The following AAK1 variants were observed in gnomAD, a reference collection of about 807,000 sequenced individuals.
AAK1 encodes the protein AP2 associated kinase 1.
In AAK1, 37 loss-of-function variants were observed where a neutral mutation model predicts 116.0. That is an observed-to-expected ratio of 0.32 (90% CI 0.25 to 0.42). The LOEUF (loss-of-function observed/expected upper bound fraction) is 0.42, where lower values mean the gene tolerates loss of function less well. Ranked by LOEUF, AAK1 falls within the 10% of genes least tolerant of loss-of-function variation. The probability of loss-of-function intolerance (pLI) is 1.00; values close to 1 mark genes in which losing one functional copy is unlikely to be tolerated. For synonymous variants in AAK1, 458 were observed against 439.9 expected (o/e 1.04, Z -0.51); for missense variants, 919 against 1,170.6 (o/e 0.79, Z 3.14).
At chr2:69,531,379 G>C (rs948501949) in intron 6 of AAK1, among the ~76,000 whole-genome samples, 2 of 152,160 alleles carry the variant, frequency 1.3e-5, no homozygotes, top group Non-Finnish European at 2.9e-5. Context: ...TGGTTGTCTG[G>C]GGTGACGCAT....
Position 69,473,353 on chromosome 2 carries a change from CA to C in AAK1, c.*2515del. ...TCCACAGGTACCAGGACACTATGCT[CA>C]ACTCAAATAAACTCTTTCAGCTCAG... is the stretch of plus-strand genomic sequence containing the variant. On this transcript the variant is annotated 3_prime_UTR_variant, in exon 22 of 22. Coordinates refer to ENST00000409085, the MANE Select transcript of AAK1 (RefSeq NM_014911.5). The C allele has an allele frequency of 1.0e-6, 1 of 985,480 alleles. No homozygotes were observed. The highest frequency in any genetic ancestry group is 5.2e-4 in the Middle Eastern group (1 of 1,916). 61.0% of individuals were successfully genotyped at this position (985,480 alleles called of 1,614,324 possible).
intron 2 of AAK1, among the ~76,000 whole-genome samples, chr2:69,609,620 T>TGCAGTGA (rs1185558235): frequency 6.6e-6 from 1 of 151,962 alleles, no homozygotes; most frequent in Non-Finnish European, 1.5e-5. Context: ...GCCGAGATTG[T>TGCAGTGA]GCCATTGCAC....
At position 69,460,706 on chromosome 2, in the gene AAK1, C is replaced by T. The variant is rs1249600093; in HGVS notation, c.*15163G>A. 1 of 152,218 alleles carries T rather than the reference C, an allele frequency of 6.6e-6. No individual in the cohort carries two copies. The highest frequency in any genetic ancestry group is 1.5e-5 in the Non-Finnish European group (1 of 68,046). 9.4% of individuals were successfully genotyped at this position (152,218 alleles called of 1,614,324 possible). A position where few individuals can be genotyped will look rare whatever the true frequency, so the allele number is the denominator to read the frequency against. ...CCTAGACTCCCTGGGTGCTGCTCAG[C>T]AGCTGCTTCAGCATCAAATTGTGTT... On this transcript the variant is annotated 3_prime_UTR_variant, in exon 22 of 22. Coordinates refer to ENST00000409085, the MANE Select transcript of AAK1 (RefSeq NM_014911.5).
At chr2:69,561,027 C>T (rs868742798) in intron 2 of AAK1, among the ~76,000 whole-genome samples, 3 of 152,194 alleles carry the variant, frequency 2.0e-5, no homozygotes, top group Non-Finnish European at 4.4e-5. Flanking sequence ...CTGCTAATTT[C>T]TAAAGATGAG....
At chr2:69,548,577 C>T (rs1671031444) in intron 3 of AAK1, among the ~76,000 whole-genome samples, 2 of 143,000 alleles carry the variant, frequency 1.4e-5, no homozygotes. Flanking sequence ...TTCTTTCTTT[C>T]TCTCTCTCTC....
chr2:69,516,326 A>C (rs745628162), intron 12 of AAK1, among the ~76,000 whole-genome samples: 4 of 151,968 alleles, frequency 2.6e-5, no homozygotes, highest in Non-Finnish European at 4.4e-5. Flanking sequence ...AAAAAAAAAA[A>C]ACAACAAAAT....
chr2:69,480,899 G>C lies in AAK1; in HGVS notation c.2530C>G (p.Leu844Val), dbSNP rs1290365789. 6.2e-7 allele frequency: 1 copy of C among 1,606,816 alleles called. No homozygotes were observed. The highest frequency in any genetic ancestry group is 1.7e-5 in the Admixed American group (1 of 59,180). ...PGLEPPVPQR[L>V]PSQTESVTSN... Reference sequence around the variant, plus strand: ...GTCACAGATTCCGTCTGAGATGGGAGGCGCTGGGGAACTGGGGGCTCCAGT... The same window carrying C: ...GTCACAGATTCCGTCTGAGATGGGACGCGCTGGGGAACTGGGGGCTCCAGT... Residue 844 changes from leucine to valine, a missense_variant, in exon 19 of 22, where the codon CTC becomes GTC. Around this residue, in one of 4 missense-constraint regions of AAK1, gnomAD observed 263 missense variants for 285.5 expected, o/e 0.92. Transcript: ENST00000409085.
rs757367956 is a variant in AAK1 at position 69,527,314 on chromosome 2, T to C, written c.877A>G (p.Met293Val). 1.3e-6 allele frequency: 2 copies of C among 1,593,084 alleles called. No homozygotes were observed. Among genetic ancestry groups the C allele is most frequent in the Non-Finnish European group, 1.7e-6 (2 of 1,164,662 alleles). ...SQDMHCLIRY[M>V]LEPDPDKRPD... Reference sequence around the variant, plus strand: ...CTTTTGTCAGGGTCTGGTTCCAACATATACCCTAAGGCAAACATGTGAATT... The same window carrying C: ...CTTTTGTCAGGGTCTGGTTCCAACACATACCCTAAGGCAAACATGTGAATT... The change falls in exon 9 of 22, where the codon ATG (methionine) becomes GTG (valine). Residue 293 changes from methionine to valine, a missense_variant. Around this residue, in one of 4 missense-constraint regions of AAK1, gnomAD observed 317 missense variants for 490.4 expected, o/e 0.65. Transcript: ENST00000409085.
chr2:69,507,572 T>G lies in AAK1; in HGVS notation c.2013A>C (p.Ala671=). The change falls in exon 15 of 22, where the codon GCA becomes GCC. Residue 671 remains alanine, a synonymous_variant. Coordinates refer to ENST00000409085, the MANE Select transcript of AAK1 (RefSeq NM_014911.5). ...GAGGAGAGCCTGATGGAGTGGTGGT[T>G]GCAGACCTAGGTAGGTTCCCACCCC... ...AEASLNKSKS[A]TTTPSGSPRT... The G allele has an allele frequency of 6.2e-7, 1 of 1,609,240 alleles. No homozygotes were observed. The highest frequency in any genetic ancestry group is 8.5e-7 in the Non-Finnish European group (1 of 1,177,494).
intron 14 of AAK1, among the ~76,000 whole-genome samples, chr2:69,508,274 T>C (rs1358332243): frequency 6.6e-6 from 1 of 152,212 alleles, no homozygotes; most frequent in Non-Finnish European, 1.5e-5. Flanking sequence ...GAGGTCTATT[T>C]AGGCTGCCTC....
chr2:69,500,080 T>A (rs1348407213), intron 16 of AAK1: 2 of 152,228 alleles, frequency 1.3e-5, no homozygotes, highest in African/African-American at 4.8e-5. Flanking sequence ...TATAGCCCCG[T>A]GCCATCCTCC....
At chr2:69,596,168 G>A (rs1360261564) in intron 2 of AAK1, among the ~76,000 whole-genome samples, 1 of 152,000 alleles carries the variant, frequency 6.6e-6, no homozygotes, top group East Asian at 1.9e-4. Context: ...ATGTTTTCAT[G>A]CCTGCTAACA....
chr2:69,497,295 C>CTTTTTTTTTTTTT (rs1176401016), intron 16 of AAK1, among the ~76,000 whole-genome samples: 5 of 76,086 alleles, frequency 6.6e-5, no homozygotes, highest in African/African-American at 1.9e-4. Context: ...CATTATCATT[C>CTTTTTTTTTTTTT]TTTTTTTTTT....
intron 3 of AAK1, among the ~76,000 whole-genome samples, chr2:69,550,757 A>C (rs1671144897): frequency 6.6e-6 from 1 of 152,094 alleles, no homozygotes; most frequent in African/African-American, 2.4e-5. Flanking sequence ...CTGGGATTAC[A>C]TGTGTACACA....
chr2:69,571,328 C>T (rs746801999), intron 2 of AAK1, among the ~76,000 whole-genome samples: 5 of 152,320 alleles, frequency 3.3e-5, no homozygotes, highest in South Asian at 2.1e-4. Context: ...GTAGACTAGG[C>T]TGATGGCTGC....
intron 12 of AAK1, 137 bp from the exon 13 acceptor site, chr2:69,514,886 A>C: frequency 1.1e-6 from 1 of 942,784 alleles, no homozygotes; most frequent in Non-Finnish European, 1.5e-6. Context: ...GCTAGGCCTA[A>C]AATCTCATGA....
intron 16 of AAK1, among the ~76,000 whole-genome samples, chr2:69,498,006 G>C (rs905840648): frequency 6.6e-6 from 1 of 151,552 alleles, no homozygotes; most frequent in African/African-American, 2.4e-5. Flanking sequence ...CCTCTGCTCT[G>C]TTCTCCCTCC....
intron 2 of AAK1, among the ~76,000 whole-genome samples, chr2:69,615,058 G>A (rs1325123604): frequency 6.6e-6 from 1 of 152,136 alleles, no homozygotes; most frequent in Non-Finnish European, 1.5e-5. Flanking sequence ...GTGGCCCTAA[G>A]AAATTAATAT....
chr2:69,533,969 A>T (rs1670359064), intron 5 of AAK1, among the ~76,000 whole-genome samples: 1 of 152,238 alleles, frequency 6.6e-6, no homozygotes, highest in Admixed American at 6.5e-5. Context: ...ACACAAAGTG[A>T]CACAGTCAAG....
Sources: gnomAD v4.1 joint callset for allele counts (sites outside exome capture counted in the v4.1 genomes callset) on GRCh38, gnomAD v4.1.1 for gene constraint, gnomAD v4.1.1 regional missense constraint, MANE v1.5 for transcripts, NCBI Gene and HGNC (gene_info 2026-07-23, HGNC 2026-07-21) for gene names.